CENPP: variants seen among roughly 807,000 people sequenced by gnomAD.
CENPP encodes the protein centromere protein P.
A neutral mutation model predicts 35.6 loss-of-function variants in CENPP; 24 were observed. The observed-to-expected ratio is 0.67, with a 90% CI of 0.49 to 0.95. The LOEUF (loss-of-function observed/expected upper bound fraction) is 0.95, where lower values mean the gene tolerates loss of function less well. Ranked by LOEUF, CENPP falls within the 40% of genes least tolerant of loss-of-function variation. The probability of loss-of-function intolerance (pLI) is 0.00; values close to 1 mark genes in which losing one functional copy is unlikely to be tolerated. For missense variants in CENPP, 332 were observed against 345.3 expected (o/e 0.96, Z 0.31); for synonymous variants, 120 against 125.5 (o/e 0.96, Z 0.29).
rs112814111 is a variant in CENPP, at chr9:92,556,465, G to A, written c.565-54849G>A. 1.9e-4 allele frequency among the ~76,000 whole-genome samples: 29 copies of A among 152,212 alleles called. No homozygotes were observed. The East Asian group carries it at 4.6e-3, about 24-fold the overall frequency. Reference sequence around the variant, plus strand: ...CCCCACTATTATTGTGTTGCTGTCTGTCTCATTTCTTAGGTCTATTAATAA... The same window carrying A: ...CCCCACTATTATTGTGTTGCTGTCTATCTCATTTCTTAGGTCTATTAATAA... On this transcript the variant is annotated intron_variant, in intron 5 of 7. Transcript: ENST00000375587.
At chr9:92,404,811 T>G in intron 5 of CENPP, 2 of 322,530 alleles carry the variant, frequency 6.2e-6, no homozygotes, top group Non-Finnish European at 1.0e-5. Context: ...TAATAAACAT[T>G]CATGTTTTGG....
At chr9:92,566,993 A>T (rs1191599667) in intron 5 of CENPP, among the ~76,000 whole-genome samples, 3 of 152,218 alleles carry the variant, frequency 2.0e-5, no homozygotes, top group African/African-American at 7.2e-5. Context: ...GGCAGAAGGC[A>T]CTGGGCTGAC....
chr9:92,405,221 T>C (rs1224051759), intron 5 of CENPP, among the ~76,000 whole-genome samples: 2 of 152,144 alleles, frequency 1.3e-5, no homozygotes, highest in African/African-American at 2.4e-5. Flanking sequence ...AAAATTACTT[T>C]AATATTGAAA....
chr9:92,557,396 A>G (rs959759701), intron 5 of CENPP, among the ~76,000 whole-genome samples: 3 of 152,194 alleles, frequency 2.0e-5, no homozygotes, highest in African/African-American at 7.2e-5. Flanking sequence ...GTTTTCCTCA[A>G]TTATTCCCCC....
chr9:92,539,023 T>G (rs1161404245), intron 5 of CENPP: 1 of 152,150 alleles, frequency 6.6e-6, no homozygotes, highest in Admixed American at 6.5e-5. Flanking sequence ...ATTTTGGAAA[T>G]TTTAAGTAGG....
intron 5 of CENPP, among the ~76,000 whole-genome samples, chr9:92,520,643 GA>G (rs1848007616): frequency 1.3e-5 from 2 of 152,128 alleles, no homozygotes; most frequent in Admixed American, 1.3e-4. Context: ...GGTGTTGAAA[GA>G]AAACTTATAT....
intron 4 of CENPP, among the ~76,000 whole-genome samples, chr9:92,364,942 A>G (rs1484759142): frequency 6.6e-6 from 1 of 152,194 alleles, no homozygotes; most frequent in East Asian, 1.9e-4. Context: ...TGAATTGTCT[A>G]ACAAACCACT....
chr9:92,448,169 T>C (rs1036562333), intron 5 of CENPP, among the ~76,000 whole-genome samples: 4 of 152,170 alleles, frequency 2.6e-5, no homozygotes, highest in African/African-American at 7.2e-5. Context: ...GACTGCAGCA[T>C]TGTAGTAAAG....
In CENPP at chr9:92,332,321, G is replaced by T. The variant is rs780815025; in HGVS notation, c.259G>T (p.Asp87Tyr). The T allele has an allele frequency of 1.9e-6, 3 of 1,605,764 alleles. No individual in the cohort carries two copies. The highest frequency in any genetic ancestry group is 2.7e-5 in the African/African-American group (2 of 74,396). ...AAGAAATCACTCCAAGCAGACAGAA[G>T]ACCTAACAAGCACTGAGATGACAGA... Reference protein sequence around the residue: ...NIRNHSKQTEDLTSTEMTEKS... With the variant: ...NIRNHSKQTEYLTSTEMTEKS... The change falls in exon 2 of 8, where the codon GAC becomes TAC. Residue 87 changes from aspartate (D) to tyrosine (Y), a missense_variant. Transcript: ENST00000375587.
intron 4 of CENPP, among the ~76,000 whole-genome samples, chr9:92,373,977 A>G (rs1372129109): frequency 6.6e-6 from 1 of 151,972 alleles, no homozygotes; most frequent in East Asian, 1.9e-4. Context: ...ATATCTGCAC[A>G]TACACTGTAG....
chr9:92,350,402 G>C (rs771432834), intron 4 of CENPP, among the ~76,000 whole-genome samples: 5 of 152,200 alleles, frequency 3.3e-5, no homozygotes, highest in Non-Finnish European at 7.3e-5. Flanking sequence ...CTTATGTGCT[G>C]TAGTACAGTA....
chr9:92,386,502 T>A (rs182473363), intron 5 of CENPP, among the ~76,000 whole-genome samples: 33 of 152,322 alleles, frequency 2.2e-4, no homozygotes, highest in Admixed American at 1.5e-3. Context: ...TTTGATCCTT[T>A]ATGATGGCCA....
chr9:92,575,543 G>A (rs908140807), intron 5 of CENPP, among the ~76,000 whole-genome samples: 1 of 152,118 alleles, frequency 6.6e-6, no homozygotes, highest in Non-Finnish European at 1.5e-5. Flanking sequence ...GCTGGGCGCG[G>A]TGGCTCACGC....
At chr9:92,400,266 C>T (rs1843055665) in intron 5 of CENPP, among the ~76,000 whole-genome samples, 1 of 152,150 alleles carries the variant, frequency 6.6e-6, no homozygotes, top group South Asian at 2.1e-4. Context: ...TTCTCTGCCT[C>T]AGCTTCCCGA....
At chr9:92,376,702 C>T (rs953002574) in intron 4 of CENPP, among the ~76,000 whole-genome samples, 6 of 152,134 alleles carry the variant, frequency 3.9e-5, no homozygotes, top group African/African-American at 9.7e-5. Context: ...ACTGGGCCAG[C>T]GCCATGTTGC....
chr9:92,354,785 A>G (rs759027898), intron 4 of CENPP, among the ~76,000 whole-genome samples: 1 of 152,144 alleles, frequency 6.6e-6, no homozygotes, highest in Non-Finnish European at 1.5e-5. Flanking sequence ...TCTATTTTCC[A>G]TAAGTGTCGG....
intron 4 of CENPP, among the ~76,000 whole-genome samples, chr9:92,362,041 T>C (rs527451502): frequency 4.6e-5 from 7 of 152,216 alleles, no homozygotes; most frequent in African/African-American, 1.7e-4. Context: ...TAAAATAAGA[T>C]AAGATAAGAT....
At chr9:92,479,225 C>G (rs1008902371) in intron 5 of CENPP, among the ~76,000 whole-genome samples, 1 of 152,116 alleles carries the variant, frequency 6.6e-6, no homozygotes, top group Non-Finnish European at 1.5e-5. Context: ...CTGACCAGTC[C>G]CCCAGTGGCA....
rs555267576 is a variant in CENPP at position 92,618,119 on chromosome 9, C to T, written c.*4970C>T. 202 of 412,090 alleles carry T rather than the reference C, an allele frequency of 4.9e-4. 1 individual carries two copies. The highest frequency in any genetic ancestry group is 2.6e-3 in the South Asian group (150 of 58,720). The allele number at this position is 412,090 out of a possible 1,614,324, so 25.5% of individuals were successfully genotyped here. A position where few individuals can be genotyped will look rare whatever the true frequency, so the allele number is the denominator to read the frequency against. ...TGGAACTTCACAGGTGCGGCCACTG[C>T]GCACACCTTCCTGGAAGCAGGCCCA... On this transcript the variant is annotated 3_prime_UTR_variant, in exon 8 of 8. Coordinates refer to ENST00000375587, the MANE Select transcript of CENPP (RefSeq NM_001012267.3).
Sources: allele counts gnomAD v4.1 joint callset (sites outside exome capture counted in the v4.1 genomes callset), GRCh38; gene constraint gnomAD v4.1.1; transcripts MANE v1.5; gene names NCBI Gene and HGNC (gene_info 2026-07-23, HGNC 2026-07-21).